The following SGO1 variants were observed in gnomAD, a reference collection of about 807,000 sequenced individuals.
SGO1 encodes shugoshin 1.
SGO1 carries 39 observed loss-of-function variants against 50.5 expected under a neutral mutation model. The ratio of observed to expected loss-of-function variants is 0.77; its 90% CI spans 0.60 to 1.01. The LOEUF is 1.01. Among genes scored for constraint, SGO1 ranks in the 50% least tolerant of loss-of-function variants. The probability of loss-of-function intolerance (pLI) is 0.00; values close to 1 mark genes in which losing one functional copy is unlikely to be tolerated. For missense variants in SGO1, 638 were observed against 606.0 expected (o/e 1.05, Z -0.55); for synonymous variants, 191 against 205.1 (o/e 0.93, Z 0.59).
rs747473028 is a variant in SGO1, at chr3:20,174,557, A to AT, written c.973dup (p.Met325AsnfsTer9). 111 of 1,590,600 alleles carry AT rather than the reference A, an allele frequency of 7.0e-5. No individual in the cohort carries two copies. The highest frequency in any genetic ancestry group is 5.0e-4 in the Middle Eastern group (3 of 5,978). On this transcript the variant is annotated frameshift_variant, in exon 6 of 8. Coordinates refer to ENST00000412997, the MANE Select transcript of SGO1 (RefSeq NM_001199251.3). LOFTEE classifies it high-confidence loss of function. The stretch of plus-strand genomic sequence containing the variant: ...ATCATTGGAACTGACAGATTTGTGC[A>AT]TTTTTTTTTGGGGAACAGTTTTTTT...
Position 20,183,843 on chromosome 3 carries a change from A to G in SGO1, c.143-39T>C, listed in dbSNP as rs981876598. The G allele has an allele frequency of 3.1e-6, 5 of 1,605,012 alleles. No homozygotes were observed. In the African/African-American group the frequency reaches 4.1e-5, roughly 13 times the overall value. On this transcript the variant is annotated intron_variant, in intron 2 of 7. Transcript: ENST00000412997. ...AAAAAATTTATCAGTTATTAAATCTAAACTTAAAAGTGATATAAAAGGACA... is the reference window on the plus strand; with the variant it reads ...AAAAAATTTATCAGTTATTAAATCTGAACTTAAAAGTGATATAAAAGGACA...
downstream of SGO1, chr3:20,169,033 A>G (rs546106600): frequency 1.0e-5 from 10 of 963,930 alleles, no homozygotes; most frequent in South Asian, 4.3e-4. Flanking sequence ...GAGTAGTAAG[A>G]AAAAAAAAAC....
rs144170163 is a variant in SGO1 at position 20,184,867 on chromosome 3, C to G, written c.-7-833G>C. ...GGCTTTAGCATGCTACTAAACATGT[C>G]AAACCACTTTTCACAAACATCTTTT... On this transcript the variant is annotated intron_variant, in intron 1 of 7. Transcript: ENST00000412997. Among the ~76,000 whole-genome samples, 263 of 152,060 alleles carry G rather than the reference C, an allele frequency of 1.7e-3. 4 individuals carry two copies. In the Middle Eastern group the frequency reaches 0.024, roughly 14 times the overall value.
Position 20,170,622 on chromosome 3 carries a change from CTGTT to C in SGO1, c.*78_*81del, listed in dbSNP as rs778883282. 4.9e-6 allele frequency: 7 copies of C among 1,427,098 alleles called. No homozygotes were observed. The highest frequency in any genetic ancestry group is 1.7e-5 in the South Asian group (1 of 60,180). 88.4% of individuals were successfully genotyped at this position (1,427,098 alleles called of 1,614,324 possible). The stretch of plus-strand genomic sequence containing the variant: ...GAATATTCTATGGCAATGGCTCACT[CTGTT>C]TGTGTACTCTTACAGATCCTCTCCT... On this transcript the variant is annotated 3_prime_UTR_variant, in exon 8 of 8. Transcript: ENST00000412997.
At position 20,173,785 on chromosome 3, in the gene SGO1, T is replaced by C. The variant is rs1329458689; in HGVS notation, c.1282+464A>G. On this transcript the variant is annotated intron_variant, in intron 6 of 7. Coordinates refer to ENST00000412997, the MANE Select transcript of SGO1 (RefSeq NM_001199251.3). ...TTTTTAGAGATGTCGTACAAAAGAA[T>C]ACTAAGCCTATCAATTGAGGAAATC... 7.9e-5 allele frequency among the ~76,000 whole-genome samples: 12 copies of C among 152,334 alleles called. No individual in the cohort carries two copies. The South Asian group carries it at 1.0e-3, about 13-fold the overall frequency.
downstream of SGO1, among the ~76,000 whole-genome samples, chr3:20,167,517 G>T (rs896650489): frequency 6.6e-6 from 1 of 152,112 alleles, no homozygotes; most frequent in Middle Eastern, 3.4e-3. Context: ...GCAGGCAAAA[G>T]ATATAATAAT....
downstream of SGO1, chr3:20,169,109 A>G: frequency 1.0e-6 from 1 of 985,376 alleles, no homozygotes; most frequent in Non-Finnish European, 1.2e-6. Flanking sequence ...GGATAGAAAA[A>G]TTTGGGATGA....
intron 6 of SGO1, among the ~76,000 whole-genome samples, chr3:20,172,398 G>A (rs2125278746): frequency 6.6e-6 from 1 of 151,662 alleles, no homozygotes; most frequent in South Asian, 2.1e-4. Context: ...CTACTCGGGA[G>A]TCTGAGGCAG....
In SGO1 at chr3:20,171,149, T is replaced by C. The variant is rs916213103; in HGVS notation, c.1366A>G (p.Arg456Gly). 1 of 1,613,404 alleles carries C rather than the reference T, an allele frequency of 6.2e-7. No homozygotes were observed. The highest frequency in any genetic ancestry group is 1.7e-5 in the Admixed American group (1 of 59,896). The change falls in exon 7 of 8, where the codon AGA (arginine) becomes GGA (glycine). Residue 456 changes from arginine (R) to glycine (G), a missense_variant. By Grantham distance (125) the Arg-to-Gly change is moderately radical (BLOSUM62 -2). Transcript: ENST00000412997. ...NVSLYPVVKI[R>G]RLSLSPKKNK... The stretch of plus-strand genomic sequence containing the variant: ...TTTTTTGGAGAAAGAGAAAGTCTTC[T>C]GATTTTCACAACAGGATACAAGGAG...
chr3:20,164,112 T>C (rs568534846), intron 8 of SGO1, among the ~76,000 whole-genome samples: 32 of 152,276 alleles, frequency 2.1e-4, no homozygotes, highest in Non-Finnish European at 2.5e-4. Context: ...TAACCAAAGC[T>C]AGAAAAAATT....
At chr3:20,186,775 T>C (rs1228993400), upstream of SGO1, 1 of 152,256 alleles carries the variant, frequency 6.6e-6, no homozygotes, top group Non-Finnish European at 1.5e-5. Context: ...AGTTACCGAC[T>C]AGAAGCCTGA....
In SGO1 at chr3:20,174,658, TTTTC is replaced by T. The variant is rs1196138029; in HGVS notation, c.869_872del (p.Arg290LysfsTer62). On this transcript the variant is annotated frameshift_variant, in exon 6 of 8. Transcript: ENST00000412997. LOFTEE classifies it high-confidence loss of function. ...TGTTAGCTTTTCTTTTCTCTTCTCT[TTTTC>T]TTTCTTGTGTATCTCTTTGCTTACT... is the stretch of plus-strand genomic sequence containing the variant. The T allele has an allele frequency of 6.2e-7, 1 of 1,605,322 alleles. No individual in the cohort carries two copies. The highest frequency in any genetic ancestry group is 1.3e-5 in the African/African-American group (1 of 74,180).
In SGO1 at chr3:20,174,578, T is replaced by A. The variant is rs779254514; in HGVS notation, c.953A>T (p.Lys318Ile). ...GTGCATTTTTTTTTGGGGAACAGTT[T>A]TTTTATTTTCGCTTTTATTCTCTTT... ...KYKENKSENK[K>I]TVPQKKMHKS... Residue 318 changes from lysine to isoleucine, a missense_variant, in exon 6 of 8, where the codon AAA becomes ATA. Lys to Ile is a moderately radical substitution (Grantham distance 102). Coordinates refer to ENST00000412997, the MANE Select transcript of SGO1 (RefSeq NM_001199251.3). 1 of 1,603,940 alleles carries A rather than the reference T, an allele frequency of 6.2e-7. No individual in the cohort carries two copies. The highest frequency in any genetic ancestry group is 1.1e-5 in the South Asian group (1 of 87,716).
chr3:20,184,936 A>G (rs1223127941), intron 1 of SGO1, among the ~76,000 whole-genome samples: 1 of 150,992 alleles, frequency 6.6e-6, no homozygotes, highest in Non-Finnish European at 1.5e-5. Flanking sequence ...CAAAAAAAAA[A>G]GACTTGTTTC....
At chr3:20,180,544 G>A (rs543753406) in intron 3 of SGO1, among the ~76,000 whole-genome samples, 86 of 152,256 alleles carry the variant, frequency 5.6e-4, no homozygotes, top group African/African-American at 1.9e-3. Context: ...AGTTGTAGAG[G>A]AGGTGAGAAG....
At chr3:20,186,403 G>A (rs1255992337), upstream of SGO1, 9 of 152,366 alleles carry the variant, frequency 5.9e-5, no homozygotes, top group Admixed American at 3.9e-4. Context: ...GACCCGCCGG[G>A]ACTTTCTAAT....
At chr3:20,182,265 C>T (rs1473040985) in intron 3 of SGO1, among the ~76,000 whole-genome samples, 1 of 152,036 alleles carries the variant, frequency 6.6e-6, no homozygotes, top group Non-Finnish European at 1.5e-5. Context: ...GAAGCAAGAA[C>T]TCTTTCACTG....
chr3:20,169,945 A>G lies in SGO1; in HGVS notation c.*759T>C. ...TACACAGAGTTTCAAAAGATCCACA[A>G]TAATTTATTTTACTCAAATATTGTA... On this transcript the variant is annotated 3_prime_UTR_variant, in exon 8 of 8. Coordinates refer to ENST00000412997, the MANE Select transcript of SGO1 (RefSeq NM_001199251.3). 1.0e-6 allele frequency: 1 copy of G among 983,608 alleles called. No individual in the cohort carries two copies. Among genetic ancestry groups the G allele is most frequent in the Non-Finnish European group, 1.2e-6 (1 of 828,260 alleles). 60.9% of individuals were successfully genotyped at this position (983,608 alleles called of 1,614,324 possible).
chr3:20,163,347 A>G (rs1700135769), intron 8 of SGO1, among the ~76,000 whole-genome samples: 1 of 152,212 alleles, frequency 6.6e-6, no homozygotes, highest in Non-Finnish European at 1.5e-5. Context: ...TGAAAATAAA[A>G]TATAAAAACT....
Sources: gnomAD v4.1 joint callset for allele counts (sites outside exome capture counted in the v4.1 genomes callset) on GRCh38, gnomAD v4.1.1 for gene constraint, MANE v1.5 for transcripts, NCBI Gene and HGNC (gene_info 2026-07-23, HGNC 2026-07-21) for gene names.